PCDH15: variants seen among roughly 807,000 people sequenced by gnomAD.
The protein encoded by PCDH15 is protocadherin related 15.
In PCDH15, 129 loss-of-function variants were observed where a neutral mutation model predicts 178.5. The ratio of observed to expected loss-of-function variants is 0.72; its 90% CI spans 0.63 to 0.84. The LOEUF is 0.84. PCDH15 is among the 40% of genes least tolerant of loss of function. The pLI is 0.00. For missense variants in PCDH15, 2,230 were observed against 2,099.9 expected, an observed-to-expected ratio of 1.06 and a Z score of -1.21; for synonymous variants, 800 against 732.0, an observed-to-expected ratio of 1.09 and a Z score of -1.50.
At chr10:54,483,572 G>T (rs1000598783) in intron 3 of PCDH15, among the ~76,000 whole-genome samples, 5 of 151,652 alleles carry the variant, frequency 3.3e-5, no homozygotes, top group African/African-American at 1.2e-4. Flanking sequence ...GAAAAAATAG[G>T]TCTGCGAGAA....
chr10:55,077,801 C>T (rs189375962), intron 2 of PCDH15, among the ~76,000 whole-genome samples: 11 of 152,284 alleles, frequency 7.2e-5, no homozygotes, highest in Admixed American at 2.0e-4. Context: ...CCTGGCTTGG[C>T]CTCTCAAAGT....
At chr10:55,354,150 G>A (rs1026612582) in intron 2 of PCDH15, among the ~76,000 whole-genome samples, 2 of 151,944 alleles carry the variant, frequency 1.3e-5, no homozygotes, top group African/African-American at 4.8e-5. Context: ...AAAACAATGA[G>A]ACATACAATG....
At chr10:54,848,006 C>T (rs1443355673) in intron 3 of PCDH15, among the ~76,000 whole-genome samples, 2 of 152,102 alleles carry the variant, frequency 1.3e-5, no homozygotes, top group African/African-American at 4.8e-5. Flanking sequence ...TCTAATGTGG[C>T]AGTGTTAAGT....
intron 1 of PCDH15, among the ~76,000 whole-genome samples, chr10:54,730,650 A>G (rs1334888877): frequency 1.3e-5 from 2 of 151,486 alleles, no homozygotes; most frequent in Non-Finnish European, 3.0e-5. Flanking sequence ...CAAGAACAGG[A>G]AATGGGGAAA....
chr10:55,418,662 T>C (rs1838545609), intron 2 of PCDH15, among the ~76,000 whole-genome samples: 1 of 151,736 alleles, frequency 6.6e-6, no homozygotes. Flanking sequence ...ATTTTGTAAC[T>C]TCATATTTAA....
At chr10:54,393,311 C>T (rs1413981895) in intron 3 of PCDH15, among the ~76,000 whole-genome samples, 3 of 152,196 alleles carry the variant, frequency 2.0e-5, no homozygotes, top group Admixed American at 2.0e-4. Context: ...ATCTGAACTA[C>T]TGCACTTGTG....
At chr10:54,362,974 C>A (rs1372850112) in intron 5 of PCDH15, among the ~76,000 whole-genome samples, 1 of 152,036 alleles carries the variant, frequency 6.6e-6, no homozygotes, top group Admixed American at 6.6e-5. Context: ...AAAATTTACT[C>A]TATATGAGCT....
At chr10:55,545,428 G>C (rs1332384908) in intron 2 of PCDH15, among the ~76,000 whole-genome samples, 1 of 151,820 alleles carries the variant, frequency 6.6e-6, no homozygotes, top group African/African-American at 2.4e-5. Context: ...GGTGCACGCT[G>C]CCACACCTGG....
intron 3 of PCDH15, among the ~76,000 whole-genome samples, chr10:54,470,581 A>G (rs1310140853): frequency 6.6e-6 from 1 of 152,132 alleles, no homozygotes; most frequent in Non-Finnish European, 1.5e-5. Context: ...TGCCATCCCC[A>G]TGCAGCTTCC....
At chr10:55,558,278 T>C (rs1029637470) in intron 2 of PCDH15, among the ~76,000 whole-genome samples, 12 of 152,170 alleles carry the variant, frequency 7.9e-5, no homozygotes, top group African/African-American at 2.4e-4. Flanking sequence ...GATCAATCAC[T>C]TTCTTGGGGA....
chr10:53,873,453 T>C (rs145350426), intron 26 of PCDH15, among the ~76,000 whole-genome samples: 43 of 152,312 alleles, frequency 2.8e-4, no homozygotes, highest in Non-Finnish European at 2.2e-4. Context: ...TCCTTTCCAT[T>C]GAGTAGATTC....
chr10:54,017,337 G>A (rs2092772379), intron 20 of PCDH15, among the ~76,000 whole-genome samples: 1 of 152,042 alleles, frequency 6.6e-6, no homozygotes, highest in Non-Finnish European at 1.5e-5. Context: ...GATATAATAT[G>A]TATTTATCAA....
intron 26 of PCDH15, among the ~76,000 whole-genome samples, chr10:53,900,939 G>A (rs752266018): frequency 1.3e-5 from 2 of 152,060 alleles, no homozygotes; most frequent in Non-Finnish European, 2.9e-5. Context: ...TCACACTATA[G>A]GATTAGTAAC....
intron 5 of PCDH15, among the ~76,000 whole-genome samples, chr10:54,364,011 G>A (rs58354230): frequency 0.034 from 5,200 of 151,974 alleles, 305 homozygotes; most frequent in African/African-American, 0.12. Flanking sequence ...TCAGGAGTTC[G>A]AGACCAGCCT....
At chr10:54,687,599 G>A (rs772526892) in intron 1 of PCDH15, among the ~76,000 whole-genome samples, 23 of 152,070 alleles carry the variant, frequency 1.5e-4, no homozygotes, top group African/African-American at 5.3e-4. Flanking sequence ...TGTTAAGTCA[G>A]CTTAGGAAAA....
chr10:54,602,189 T>A (rs1171961467), intron 2 of PCDH15, among the ~76,000 whole-genome samples: 1 of 152,042 alleles, frequency 6.6e-6, no homozygotes, highest in Admixed American at 6.6e-5. Flanking sequence ...TTTCCTTTAT[T>A]AATACTTTAT....
chr10:54,186,116 G>C (rs567084697), intron 11 of PCDH15, among the ~76,000 whole-genome samples: 2 of 152,086 alleles, frequency 1.3e-5, no homozygotes, highest in Non-Finnish European at 1.5e-5. Context: ...AGGAAAGAAA[G>C]GCAGGTGGAG....
intron 1 of PCDH15, among the ~76,000 whole-genome samples, chr10:54,774,007 C>CTTTTTTTTTTTTTTTTTTTTT (rs763704132): frequency 1.3e-5 from 1 of 75,386 alleles, no homozygotes; most frequent in Admixed American, 2.0e-4. Flanking sequence ...ACTTCATAGG[C>CTTTTTTTTTTTTTTTTTTTTT]TTTTTTTTTT....
Position 53,827,522 on chromosome 10 carries a change from G to T in PCDH15, c.4238C>A (p.Ala1413Glu). The T allele has an allele frequency of 6.2e-7, 1 of 1,614,130 alleles. No individual in the cohort carries two copies. Among genetic ancestry groups the T allele is most frequent in the Non-Finnish European group, 8.5e-7 (1 of 1,179,976 alleles). ...KVRQAECTKT[A>E]RIQAALPAAK... is the part of the protein sequence containing the mutation. ...CGCGGGTAATGCGGCCTGAATTCGT[G>T]CAGTCTTTGTACACTCAGCTTGACG... The change falls in exon 32 of 38, where the codon GCA becomes GAA. Residue 1413 changes from alanine to glutamate, a missense_variant. Transcript: ENST00000644397.
Sources: gnomAD v4.1 joint callset for allele counts (sites outside exome capture counted in the v4.1 genomes callset) on GRCh38, gnomAD v4.1.1 for gene constraint, MANE v1.5 for transcripts, NCBI Gene and HGNC (gene_info 2026-07-23, HGNC 2026-07-21) for gene names.